TBX5: variants seen among roughly 807,000 people sequenced by gnomAD.
TBX5 encodes the protein T-box transcription factor 5, also known as T-box transcription factor TBX5.
TBX5 carries 8 observed loss-of-function variants against 51.1 expected under a neutral mutation model. The observed-to-expected ratio is 0.16, with a 90% CI of 0.09 to 0.28. The LOEUF is 0.28. Ranked by LOEUF, TBX5 falls within the 10% of genes least tolerant of loss-of-function variation. TBX5 has a pLI of 1.00. For missense variants in TBX5, 589 were observed against 671.7 expected (o/e 0.88, Z 1.36); for synonymous variants, 302 against 266.4 (o/e 1.13, Z -1.30).
chr12:114,371,281 A>T (rs970165749), intron 7 of TBX5, among the ~76,000 whole-genome samples: 1 of 152,144 alleles, frequency 6.6e-6, no homozygotes, highest in Non-Finnish European at 1.5e-5. Context: ...CCCGACCCCA[A>T]CACGAGCTGG....
At chr12:114,378,534 G>A (rs1456108410) in intron 7 of TBX5, among the ~76,000 whole-genome samples, 1 of 152,190 alleles carries the variant, frequency 6.6e-6, no homozygotes, top group Non-Finnish European at 1.5e-5. Context: ...TGCCTGCTGA[G>A]GCAGTTTTAA....
Position 114,403,861 on chromosome 12 carries a change from G to A in TBX5, c.38C>T (p.Thr13Met). The A allele has an allele frequency of 6.2e-7, 1 of 1,613,758 alleles. No individual in the cohort carries two copies. Among genetic ancestry groups the A allele is most frequent in the Admixed American group, 1.7e-5 (1 of 60,014 alleles). The change falls in exon 2 of 9, where the codon ACG becomes ATG. Residue 13 changes from threonine (T) to methionine (M), a missense_variant. Transcript: ENST00000405440. ...GTCTTTTGCGTCAGGCTCCAGAGGC[G>A]TGTGCGCCAGGCCAAAGCCCTCGTC... ...DADEGFGLAH[T>M]PLEPDAKDLP... is the part of the protein sequence containing the mutation.
chr12:114,387,073 T>G (rs1593868033), intron 6 of TBX5, among the ~76,000 whole-genome samples: 1 of 151,972 alleles, frequency 6.6e-6, no homozygotes, highest in African/African-American at 2.4e-5. Context: ...ACCACTGTAC[T>G]CTAGCTTGGG....
At chr12:114,407,510 T>C (rs147675529), upstream of TBX5, among the ~76,000 whole-genome samples, 2 of 152,312 alleles carry the variant, frequency 1.3e-5, no homozygotes, top group East Asian at 1.9e-4. Context: ...TTAATTCCCA[T>C]AAATAATCTT....
At position 114,361,049 on chromosome 12, in the gene TBX5, C is replaced by T. The variant is rs569782993; in HGVS notation, c.983-4943G>A. On this transcript the variant is annotated intron_variant, in intron 8 of 8. Transcript: ENST00000405440. ...CACCATGTCCTCCACTTATCCCAAG[C>T]ACCTAGCACAGTGTCCATTATACAT... Among the ~76,000 whole-genome samples the T allele has an allele frequency of 3.3e-5, 5 of 152,248 alleles. No individual in the cohort carries two copies. The South Asian group carries it at 1.0e-3, about 32-fold the overall frequency.
intron 7 of TBX5, among the ~76,000 whole-genome samples, chr12:114,381,438 A>T (rs1400291483): frequency 6.6e-6 from 1 of 152,154 alleles, no homozygotes; most frequent in African/African-American, 2.4e-5. Flanking sequence ...GTCACTACTG[A>T]CTGCAACCTG....
intron 7 of TBX5, among the ~76,000 whole-genome samples, chr12:114,373,107 T>C (rs1256145893): frequency 6.6e-6 from 1 of 151,968 alleles, no homozygotes; most frequent in African/African-American, 2.4e-5. Context: ...AGCAAGGGCT[T>C]CAAATGGGTA....
intron 6 of TBX5, among the ~76,000 whole-genome samples, chr12:114,393,005 GC>G (rs1464434063): frequency 4.6e-5 from 7 of 152,126 alleles, no homozygotes; most frequent in Non-Finnish European, 8.8e-5. Context: ...AGGCTTTGTG[GC>G]CTGGAAAGGA....
chr12:114,390,478 C>T (rs973911240), intron 6 of TBX5, among the ~76,000 whole-genome samples: 1 of 152,172 alleles, frequency 6.6e-6, no homozygotes, highest in Non-Finnish European at 1.5e-5. Context: ...ACATAAATAC[C>T]AGCTCCAACT....
intron 6 of TBX5, among the ~76,000 whole-genome samples, chr12:114,393,407 C>T (rs962057889): frequency 6.6e-6 from 1 of 152,232 alleles, no homozygotes; most frequent in Middle Eastern, 3.4e-3. Flanking sequence ...AGTCTACAAC[C>T]GCACGAGGGC....
Position 114,406,040 on chromosome 12 carries a change from G to T in TBX5, c.-451C>A. ...ATTAAAGTTCCCGGATTCGAGGTAA[G>T]AGTCAGTCTCTCTCACTCTCTCTCC... On this transcript the variant is annotated 5_prime_UTR_variant, in exon 1 of 9. Coordinates refer to ENST00000405440, the MANE Select transcript of TBX5 (RefSeq NM_181486.4). The T allele has an allele frequency of 2.0e-6, 2 of 985,150 alleles. No individual in the cohort carries two copies. Among genetic ancestry groups the T allele is most frequent in the Non-Finnish European group, 2.4e-6 (2 of 829,884 alleles). 61.0% of individuals were successfully genotyped at this position (985,150 alleles called of 1,614,324 possible). A position where few individuals can be genotyped will look rare whatever the true frequency, so the allele number is the denominator to read the frequency against.
intron 6 of TBX5, among the ~76,000 whole-genome samples, chr12:114,390,292 C>T (rs1871085810): frequency 6.6e-6 from 1 of 152,168 alleles, no homozygotes; most frequent in Non-Finnish European, 1.5e-5. Flanking sequence ...TATAAAGTTC[C>T]CTTCCTAATA....
upstream of TBX5, chr12:114,407,825 C>G: frequency 1.0e-6 from 1 of 985,394 alleles, no homozygotes; most frequent in Non-Finnish European, 1.2e-6. Context: ...TCCAACTATC[C>G]CACCTCTTCT....
At chr12:114,402,722 T>C (rs1871904963) in intron 2 of TBX5, among the ~76,000 whole-genome samples, 1 of 152,108 alleles carries the variant, frequency 6.6e-6, no homozygotes, top group Non-Finnish European at 1.5e-5. Context: ...TACATATATA[T>C]ACATATGTGC....
chr12:114,380,674 C>CA (rs1870458813), intron 7 of TBX5, among the ~76,000 whole-genome samples: 5 of 152,130 alleles, frequency 3.3e-5, no homozygotes, highest in African/African-American at 1.2e-4. Flanking sequence ...TCCGTCGCTA[C>CA]AAAAAATTAG....
At chr12:114,407,010 T>C (rs1872272727), upstream of TBX5, 1 of 978,312 alleles carries the variant, frequency 1.0e-6, no homozygotes, top group Non-Finnish European at 1.2e-6. Context: ...TGTACCCCCA[T>C]CATACTGATT....
chr12:114,375,426 T>A (rs1303951742), intron 7 of TBX5, among the ~76,000 whole-genome samples: 1 of 152,118 alleles, frequency 6.6e-6, no homozygotes, highest in Non-Finnish European at 1.5e-5. Flanking sequence ...CAATTGTGGA[T>A]GAACTCAACT....
At chr12:114,406,149 T>C (rs185270151), upstream of TBX5, 321 of 496,020 alleles carry the variant, frequency 6.5e-4, no homozygotes, top group Admixed American at 1.3e-3. Flanking sequence ...AGTACTGAAA[T>C]CGCCTATCCA....
chr12:114,378,785 C>T (rs369493628), intron 7 of TBX5, among the ~76,000 whole-genome samples: 5 of 152,058 alleles, frequency 3.3e-5, no homozygotes, highest in African/African-American at 1.2e-4. Flanking sequence ...TACAGGTGAG[C>T]ACCACCACAC....
Sources: gnomAD v4.1 joint callset for allele counts (sites outside exome capture counted in the v4.1 genomes callset) on GRCh38, gnomAD v4.1.1 for gene constraint, MANE v1.5 for transcripts, NCBI Gene and HGNC (gene_info 2026-07-23, HGNC 2026-07-21) for gene names.